Variants in TMEM117 observed in about 807,000 individuals in gnomAD.
TMEM117 encodes the protein transmembrane protein 117.
In TMEM117, 27 loss-of-function variants were observed where a neutral mutation model predicts 52.4. That is an observed-to-expected ratio of 0.51 (90% CI 0.38 to 0.71). The LOEUF is 0.71. Ranked by LOEUF, TMEM117 falls within the 30% of genes least tolerant of loss-of-function variation. TMEM117 has a pLI of 0.00. For synonymous variants in TMEM117, 215 were observed against 206.3 expected (o/e 1.04, Z -0.36); for missense variants, 556 against 630.5 (o/e 0.88, Z 1.26).
intron 5 of TMEM117, among the ~76,000 whole-genome samples, chr12:44,216,953 C>A (rs146326768): frequency 2.6e-5 from 4 of 152,064 alleles, no homozygotes; most frequent in African/African-American, 7.2e-5. Flanking sequence ...TAATTCTTAA[C>A]TGGGAAGCAA....
chr12:43,940,222 TCCCTG>T (rs1162623629), intron 2 of TMEM117, among the ~76,000 whole-genome samples: 2 of 152,180 alleles, frequency 1.3e-5, no homozygotes, highest in East Asian at 3.9e-4. Flanking sequence ...GTCTATCTGA[TCCCTG>T]CTTTAACAAC....
intron 3 of TMEM117, among the ~76,000 whole-genome samples, chr12:44,105,994 C>T (rs949469759): frequency 2.6e-5 from 4 of 152,028 alleles, no homozygotes; most frequent in Admixed American, 2.0e-4. Flanking sequence ...TTTTAACTCT[C>T]AGATGTGTCC....
intron 6 of TMEM117, among the ~76,000 whole-genome samples, chr12:44,375,785 G>GTTTCTTCAAGTTTTGTGTATTC (rs1951933082): frequency 6.6e-6 from 1 of 152,162 alleles, no homozygotes; most frequent in Non-Finnish European, 1.5e-5. Flanking sequence ...TATCTCAAAT[G>GTTTCTTCAAGTTTTGTGTATTC]TTTCTTCAAG....
intron 3 of TMEM117, among the ~76,000 whole-genome samples, chr12:44,134,395 T>C (rs952923867): frequency 3.9e-5 from 6 of 152,166 alleles, no homozygotes; most frequent in African/African-American, 1.4e-4. Context: ...TTTTTGGTTT[T>C]GTAGAGATGT....
At chr12:44,032,267 A>C (rs1043472243) in intron 3 of TMEM117, among the ~76,000 whole-genome samples, 4 of 152,214 alleles carry the variant, frequency 2.6e-5, no homozygotes, top group Non-Finnish European at 5.9e-5. Flanking sequence ...TCTTACCGTG[A>C]TTTGTCTTTA....
intron 4 of TMEM117, among the ~76,000 whole-genome samples, chr12:44,161,691 G>A (rs1300057084): frequency 1.3e-5 from 2 of 152,136 alleles, no homozygotes; most frequent in Non-Finnish European, 2.9e-5. Flanking sequence ...CATTTAGGAA[G>A]GACTTATCAC....
At chr12:44,321,919 A>G (rs1174840213) in intron 6 of TMEM117, among the ~76,000 whole-genome samples, 1 of 152,188 alleles carries the variant, frequency 6.6e-6, no homozygotes, top group Non-Finnish European at 1.5e-5. Context: ...TAAAATGAAA[A>G]TCATGGTTTA....
intron 4 of TMEM117, among the ~76,000 whole-genome samples, chr12:44,197,967 T>A (rs116124212): frequency 0.011 from 1,746 of 152,300 alleles, 23 homozygotes; most frequent in South Asian, 0.052. Flanking sequence ...AGGTTTAATG[T>A]TCACCAGTAG....
intron 2 of TMEM117, among the ~76,000 whole-genome samples, chr12:43,928,110 A>T (rs908290895): frequency 6.6e-6 from 1 of 151,794 alleles, no homozygotes; most frequent in Non-Finnish European, 1.5e-5. Flanking sequence ...ATACTTTACT[A>T]TGTATATTTA....
chr12:43,938,361 A>G (rs1012944847), intron 2 of TMEM117, among the ~76,000 whole-genome samples: 1 of 151,540 alleles, frequency 6.6e-6, no homozygotes, highest in African/African-American at 2.4e-5. Context: ...TCAGGACCCA[A>G]ATGAGCCCGA....
At chr12:44,346,614 C>T (rs1456679278) in intron 6 of TMEM117, among the ~76,000 whole-genome samples, 1 of 152,120 alleles carries the variant, frequency 6.6e-6, no homozygotes, top group Admixed American at 6.6e-5. Flanking sequence ...GGCAGCAGGA[C>T]ATGCTTTGTT....
chr12:43,806,309 C>T, the TMEM117 span: 62 of 1,417,054 alleles, frequency 4.4e-5, no homozygotes, highest in Non-Finnish European at 5.3e-5. Context: ...CCGGCGGCCC[C>T]AGGAAGTGGC....
In TMEM117 at chr12:44,211,398, G is replaced by A. The variant is rs1292668872; in HGVS notation, c.608+11G>A. 4 of 1,575,812 alleles carry A rather than the reference G, an allele frequency of 2.5e-6. No homozygotes were observed. The East Asian group carries it at 6.8e-5, about 27-fold the overall frequency. On this transcript the variant is annotated intron_variant, in intron 5 of 7. Coordinates refer to ENST00000266534, the MANE Select transcript of TMEM117 (RefSeq NM_032256.3). ...GATCACTTTATTCTGGTAGGAAATTGTTTCACTTATTTATTTCTGCCTTGC... is the reference window on the plus strand; with the variant it reads ...GATCACTTTATTCTGGTAGGAAATTATTTCACTTATTTATTTCTGCCTTGC...
chr12:44,269,593 C>G (rs890429716), intron 5 of TMEM117, among the ~76,000 whole-genome samples: 5 of 151,838 alleles, frequency 3.3e-5, no homozygotes, highest in African/African-American at 1.2e-4. Context: ...TTTTTATGAG[C>G]TATGTTGTTT....
At chr12:44,296,225 C>A (rs548888467) in intron 5 of TMEM117, among the ~76,000 whole-genome samples, 1 of 152,142 alleles carries the variant, frequency 6.6e-6, no homozygotes, top group Admixed American at 6.6e-5. Flanking sequence ...GTATACTATT[C>A]GGTGTCTTTC....
At chr12:44,086,591 C>G (rs1182083580) in intron 3 of TMEM117, among the ~76,000 whole-genome samples, 1 of 152,060 alleles carries the variant, frequency 6.6e-6, no homozygotes, top group Non-Finnish European at 1.5e-5. Context: ...TGCATGCTGG[C>G]CTTCAACTTT....
chr12:44,011,232 G>A (rs570694311), intron 3 of TMEM117, among the ~76,000 whole-genome samples: 9 of 152,158 alleles, frequency 5.9e-5, no homozygotes, highest in Non-Finnish European at 1.0e-4. Flanking sequence ...ATCTGTAGGG[G>A]ATACATTCTA....
intron 2 of TMEM117, among the ~76,000 whole-genome samples, chr12:43,916,125 G>A (rs533121754): frequency 1.2e-4 from 19 of 152,242 alleles, no homozygotes; most frequent in Non-Finnish European, 2.4e-4. Context: ...ACCAGAAGAG[G>A]GGAGGCATGG....
chr12:44,219,036 T>A (rs1434064746), intron 5 of TMEM117, among the ~76,000 whole-genome samples: 2 of 152,246 alleles, frequency 1.3e-5, no homozygotes, highest in Non-Finnish European at 2.9e-5. Flanking sequence ...ATTAATCATA[T>A]TTTCAACAAA....
Sources: gnomAD v4.1 joint callset for allele counts (sites outside exome capture counted in the v4.1 genomes callset) on GRCh38, gnomAD v4.1.1 for gene constraint, MANE v1.5 for transcripts, NCBI Gene and HGNC (gene_info 2026-07-23, HGNC 2026-07-21) for gene names.